C12orf42: variants seen among roughly 807,000 people sequenced by gnomAD.
The protein encoded by C12orf42 is uncharacterized protein C12orf42.
In C12orf42, 25 loss-of-function variants were observed where a neutral mutation model predicts 21.6. The ratio of observed to expected loss-of-function variants is 1.16; its 90% confidence interval spans 0.84 to 1.62. The LOEUF (loss-of-function observed/expected upper bound fraction) is 1.62. C12orf42 is among the 40% of genes most tolerant of loss of function. The pLI is 0.00. For missense variants in C12orf42, 483 were observed against 459.3 expected, an observed-to-expected ratio of 1.05 and a Z score of -0.47; for synonymous variants, 174 against 175.0, an observed-to-expected ratio of 0.99 and a Z score of 0.05.
At chr12:103,270,389 G>A (rs2035395387) in intron 5 of C12orf42, 1 of 148,542 alleles carries the variant, frequency 6.7e-6, no homozygotes, top group African/African-American at 2.5e-5. Context: ...AGGGAGGGAG[G>A]GAGGGAGGAA....
chr12:103,532,115 T>G, the C12orf42 span, among the ~76,000 whole-genome samples: 1 of 152,232 alleles, frequency 6.6e-6, no homozygotes, highest in South Asian at 2.1e-4. Context: ...CAAATGTTAA[T>G]ATCTCCATTT....
In C12orf42 at chr12:103,314,325, C is replaced by T. The variant is rs148837558; in HGVS notation, c.260-7980G>A. On this transcript the variant is annotated intron_variant, in intron 4 of 5. Coordinates refer to ENST00000548883, the MANE Select transcript of C12orf42 (RefSeq NM_198521.5). ...AGAGCAGAAGCAATTTAGAAGGCAG[C>T]CGGCAGTTGCCCAGTGAAAGGTGAT... Among the ~76,000 whole-genome samples the T allele has an allele frequency of 2.1e-3, 327 of 152,182 alleles. 2 individuals are homozygous for T. Among genetic ancestry groups the T allele is most frequent in the African/African-American group, 7.4e-3 (309 of 41,514 alleles).
At chr12:103,068,355 C>T in the C12orf42 span, among the ~76,000 whole-genome samples, 1 of 152,076 alleles carries the variant, frequency 6.6e-6, no homozygotes, top group Non-Finnish European at 1.5e-5. Flanking sequence ...GGGATTGGTG[C>T]ATCTGGTTGT....
At chr12:103,551,261 A>G in the C12orf42 span, among the ~76,000 whole-genome samples, 1 of 152,164 alleles carries the variant, frequency 6.6e-6, no homozygotes, top group Non-Finnish European at 1.5e-5. Context: ...GCTCTATAAT[A>G]TATTTTATAT....
chr12:103,547,594 T>C, the C12orf42 span, among the ~76,000 whole-genome samples: 2 of 151,120 alleles, frequency 1.3e-5, no homozygotes, highest in Non-Finnish European at 2.9e-5. Flanking sequence ...TCAAGTAGTT[T>C]ATAAGCTAGA....
At chr12:103,335,198 GAAC>G (rs1400432059) in intron 4 of C12orf42, among the ~76,000 whole-genome samples, 1 of 152,218 alleles carries the variant, frequency 6.6e-6, no homozygotes, top group African/African-American at 2.4e-5. Context: ...CATCAGAGTT[GAAC>G]AACAGAGTGC....
At chr12:103,327,451 G>A (rs749156860) in intron 4 of C12orf42, among the ~76,000 whole-genome samples, 1 of 152,204 alleles carries the variant, frequency 6.6e-6, no homozygotes, top group Non-Finnish European at 1.5e-5. Context: ...TGAAAATGCT[G>A]TCTGTGGACC....
chr12:103,235,194 G>T (rs1476539764), downstream of C12orf42, among the ~76,000 whole-genome samples: 2 of 152,090 alleles, frequency 1.3e-5, no homozygotes, highest in Non-Finnish European at 2.9e-5. Flanking sequence ...CCAGAGTTGT[G>T]CTAAAACAAC....
At chr12:103,545,416 G>A in the C12orf42 span, among the ~76,000 whole-genome samples, 988 of 152,202 alleles carry the variant, frequency 6.5e-3, 16 homozygotes, top group African/African-American at 0.023. Flanking sequence ...AAGTAGAAGA[G>A]CATAAACAAA....
chr12:103,475,197 C>A (rs1334232221), intron 2 of C12orf42, among the ~76,000 whole-genome samples: 2 of 152,190 alleles, frequency 1.3e-5, no homozygotes, highest in Non-Finnish European at 2.9e-5. Flanking sequence ...TCCCAGCAGG[C>A]TTTTGCCGCG....
intron 4 of C12orf42, among the ~76,000 whole-genome samples, chr12:103,290,850 A>G (rs1422679944): frequency 1.3e-5 from 2 of 152,122 alleles, no homozygotes; most frequent in Non-Finnish European, 2.9e-5. Flanking sequence ...TACAAAGTGG[A>G]ATAATGAATG....
the C12orf42 span, among the ~76,000 whole-genome samples, chr12:103,163,107 A>T: frequency 6.6e-6 from 1 of 152,206 alleles, no homozygotes; most frequent in African/African-American, 2.4e-5. Flanking sequence ...CTTTTTACTC[A>T]CATCAGTGTC....
At chr12:103,431,485 T>C (rs1282897245) in intron 2 of C12orf42, among the ~76,000 whole-genome samples, 1 of 152,232 alleles carries the variant, frequency 6.6e-6, no homozygotes, top group Non-Finnish European at 1.5e-5. Context: ...TCCTGCATCC[T>C]GCACTTACTT....
the C12orf42 span, among the ~76,000 whole-genome samples, chr12:103,107,512 T>C: frequency 6.6e-6 from 1 of 151,958 alleles, no homozygotes; most frequent in African/African-American, 2.4e-5. Context: ...CATTTTAAAA[T>C]AATTTACTGT....
chr12:103,087,974 A>G, the C12orf42 span, among the ~76,000 whole-genome samples: 1 of 152,276 alleles, frequency 6.6e-6, no homozygotes, highest in Admixed American at 6.5e-5. Context: ...TTGCAGTTAT[A>G]TCCTTGACCA....
intron 2 of C12orf42, among the ~76,000 whole-genome samples, chr12:103,465,134 GA>G (rs1290788377): frequency 2.6e-5 from 4 of 152,050 alleles, no homozygotes; most frequent in Non-Finnish European, 5.9e-5. Flanking sequence ...CTAATTCTGT[GA>G]AGAATGTCAA....
the C12orf42 span, among the ~76,000 whole-genome samples, chr12:103,546,587 A>T: frequency 6.6e-6 from 1 of 152,224 alleles, no homozygotes; most frequent in Non-Finnish European, 1.5e-5. Context: ...AGAAGTTACA[A>T]AAAGGGTCAG....
chr12:103,154,779 G>GA, the C12orf42 span, among the ~76,000 whole-genome samples: 2 of 152,084 alleles, frequency 1.3e-5, no homozygotes, highest in East Asian at 1.9e-4. Context: ...ATTATGCTCA[G>GA]AAAAAAACAA....
chr12:103,332,624 G>A (rs1429784712), intron 4 of C12orf42, among the ~76,000 whole-genome samples: 1 of 152,240 alleles, frequency 6.6e-6, no homozygotes, highest in African/African-American at 2.4e-5. Flanking sequence ...GAAAGATTGT[G>A]TCTAGATTGT....
Sources: allele counts gnomAD v4.1 joint callset (sites outside exome capture counted in the v4.1 genomes callset), GRCh38; gene constraint gnomAD v4.1.1; transcripts MANE v1.5; gene names NCBI Gene and HGNC (gene_info 2026-07-23, HGNC 2026-07-21).